The following ECPAS variants were observed in gnomAD, a reference collection of about 807,000 sequenced individuals.
ECPAS encodes the protein proteasome adapter and scaffold protein ECM29.
Under a neutral mutation model 255.1 loss-of-function variants are expected in ECPAS, and 70 were observed. That is an observed-to-expected ratio of 0.27 (90% confidence interval 0.23 to 0.33). The LOEUF (loss-of-function observed/expected upper bound fraction) is 0.33, where lower values mean the gene tolerates loss of function less well. Among genes scored for constraint, ECPAS ranks in the 10% least tolerant of loss-of-function variants. The probability of loss-of-function intolerance (pLI) is 1.00; values close to 1 mark genes in which losing one functional copy is unlikely to be tolerated. For synonymous variants in ECPAS, 784 were observed against 775.0 expected (o/e 1.01, Z -0.19); for missense variants, 1,817 against 2,206.4 (o/e 0.82, Z 3.54).
rs190171617 is a variant in ECPAS, at chr9:111,450,602, G to A, written c.153+823C>T. Among the ~76,000 whole-genome samples, 290 of 152,264 alleles carry A rather than the reference G, an allele frequency of 1.9e-3. 1 individual carries two copies. Among genetic ancestry groups the A allele is most frequent in the African/African-American group, 6.8e-3 (283 of 41,544 alleles). ...ATGAAATATTCTACAAATCAAGGGG[G>A]AAATGTTCCATGTAGAACAGTTTCG... On this transcript the variant is annotated intron_variant, in intron 3 of 49. Transcript: ENST00000684092.
chr9:111,372,617 G>C lies in ECPAS; in HGVS notation c.4340C>G (p.Pro1447Arg). Residue 1447 changes from proline to arginine, a missense_variant, in exon 42 of 50, where the codon CCT becomes CGT. Physicochemically the swap from Pro to Arg is moderately radical, Grantham distance 103 (BLOSUM62 -2). Around this residue, in one of 4 missense-constraint regions of ECPAS, gnomAD observed 960 missense variants for 1,179.0 expected, o/e 0.81. Transcript: ENST00000684092. ...LNGWYMEKEE[P>R]IYKTSCALTI... ...CAAAGCACAAGAGGTCTTGTAGATA[G>C]GTTCTGAAAAGGAGAAACCAAAATC... is the stretch of plus-strand genomic sequence containing the variant. 6.2e-7 allele frequency: 1 copy of C among 1,601,424 alleles called. No homozygotes were observed. Among genetic ancestry groups the C allele is most frequent in the South Asian group, 1.1e-5 (1 of 88,930 alleles).
chr9:111,420,244 G>C, intron 15 of ECPAS, 124 bp from the exon 16 acceptor site: 1 of 611,070 alleles, frequency 1.6e-6, no homozygotes, highest in South Asian at 2.0e-5. Context: ...AAATTCTAAG[G>C]TGACATTTTA....
intron 2 of ECPAS, among the ~76,000 whole-genome samples, chr9:111,460,027 G>A (rs1425955105): frequency 6.6e-6 from 1 of 151,964 alleles, no homozygotes; most frequent in Non-Finnish European, 1.5e-5. Flanking sequence ...GAATATAGAC[G>A]CAAATGAGAT....
chr9:111,399,680 C>T (rs1325749767), intron 24 of ECPAS, among the ~76,000 whole-genome samples: 1 of 152,214 alleles, frequency 6.6e-6, no homozygotes, highest in Admixed American at 6.5e-5. Context: ...ATACAGAAGA[C>T]TTTGTCTCGC....
At chr9:111,362,228 A>AC (rs2098114416) in intron 49 of ECPAS, 59 bp from the exon 50 acceptor site, 8 of 1,412,692 alleles carry the variant, frequency 5.7e-6, no homozygotes, top group Admixed American at 2.7e-5. Context: ...AAAAGAAAAA[A>AC]CCCCAAAGAA....
chr9:111,480,139 G>A (rs1441979559), intron 1 of ECPAS, among the ~76,000 whole-genome samples: 2 of 151,860 alleles, frequency 1.3e-5, no homozygotes, highest in African/African-American at 4.8e-5. Flanking sequence ...TTTTCTGTGT[G>A]TTTGAAGATT....
chr9:111,456,051 A>T (rs1212971665), intron 2 of ECPAS, among the ~76,000 whole-genome samples: 1 of 152,156 alleles, frequency 6.6e-6, no homozygotes, highest in Non-Finnish European at 1.5e-5. Context: ...TTCTGCATTC[A>T]AGTCTTTGAT....
chr9:111,373,902 C>T, intron 39 of ECPAS, 70 bp downstream of exon 39: 1 of 1,224,832 alleles, frequency 8.2e-7, no homozygotes, highest in Non-Finnish European at 1.2e-6. Flanking sequence ...AGTATTTTTC[C>T]TTTTTAAAAC....
At chr9:111,400,943 C>A (rs992271129) in intron 24 of ECPAS, among the ~76,000 whole-genome samples, 1 of 152,032 alleles carries the variant, frequency 6.6e-6, no homozygotes, top group Non-Finnish European at 1.5e-5. Context: ...AAATTCAATC[C>A]AATTAAGATT....
At position 111,468,542 on chromosome 9, in the gene ECPAS, G is replaced by A. The variant is rs151181898; in HGVS notation, c.22+4355C>T. On this transcript the variant is annotated intron_variant, in intron 2 of 49. Coordinates refer to ENST00000684092, the MANE Select transcript of ECPAS (RefSeq NM_001364929.1). ...AACAGAAAAAGATGAAGAGGAAGGG[G>A]TGAACCAGTAAAAGGGCAGAAAATC... Among the ~76,000 whole-genome samples, 611 of 152,128 alleles carry A rather than the reference G, an allele frequency of 4.0e-3. 5 individuals are homozygous for A. Among genetic ancestry groups the A allele is most frequent in the African/African-American group, 0.014 (586 of 41,516 alleles).
At chr9:111,439,908 G>A (rs1364442391) in intron 6 of ECPAS, among the ~76,000 whole-genome samples, 1 of 151,980 alleles carries the variant, frequency 6.6e-6, no homozygotes, top group African/African-American at 2.4e-5. Flanking sequence ...GCAAGGAGAA[G>A]GAAGGAGGCA....
chr9:111,365,376 A>ACATT (rs1211201610), intron 48 of ECPAS, among the ~76,000 whole-genome samples: 4 of 151,866 alleles, frequency 2.6e-5, no homozygotes, highest in Non-Finnish European at 5.9e-5. Flanking sequence ...CCTATAAAGA[A>ACATT]CATTACTGGC....
At chr9:111,371,528 T>A (rs1331002698) in intron 43 of ECPAS, 93 bp downstream of exon 43, 2 of 1,150,858 alleles carry the variant, frequency 1.7e-6, no homozygotes, top group African/African-American at 1.5e-5. Context: ...AAATAATCCA[T>A]TGGAAAAGTT....
intron 47 of ECPAS, 92 bp from the exon 48 acceptor site, chr9:111,366,419 T>G: frequency 8.0e-7 from 1 of 1,255,318 alleles, no homozygotes; most frequent in Non-Finnish European, 1.1e-6. Flanking sequence ...TGTATCACTG[T>G]CACTTTAGCT....
rs774453820 is a variant in ECPAS at position 111,410,120 on chromosome 9, C to T, written c.2471G>A (p.Ser824Asn). ...CAATTTGGTAAAGCCAGATCCCTCA[C>T]TGGGGATTGGAAGTGGACCATTTCT... is the stretch of plus-strand genomic sequence containing the variant. ...IGRNGPLPIP[S>N]EGSGFTKLHL... Residue 824 changes from serine to asparagine, a missense_variant, in exon 23 of 50, where the codon AGT (serine) becomes AAT (asparagine). By Grantham distance (46) the Ser-to-Asn change is conservative. Around this residue, in one of 4 missense-constraint regions of ECPAS, gnomAD observed 194 missense variants for 152.8 expected, o/e 1.27. Coordinates refer to ENST00000684092, the MANE Select transcript of ECPAS (RefSeq NM_001364929.1). The T allele has an allele frequency of 4.3e-6, 7 of 1,609,446 alleles. No individual in the cohort carries two copies. The highest frequency in any genetic ancestry group is 5.9e-6 in the Non-Finnish European group (7 of 1,177,958).
intron 5 of ECPAS, 48 bp downstream of exon 5, chr9:111,442,258 G>A: frequency 8.2e-7 from 1 of 1,221,184 alleles, no homozygotes; most frequent in South Asian, 1.3e-5. Flanking sequence ...TTGAAAGGCA[G>A]TTGTTGACTC....
In ECPAS at chr9:111,433,730, T is replaced by C. The variant is rs1275940993; in HGVS notation, c.709-358A>G. On this transcript the variant is annotated intron_variant, in intron 7 of 49. Coordinates refer to ENST00000684092, the MANE Select transcript of ECPAS (RefSeq NM_001364929.1). ...CTCCCTAGTGAGGTTACACAGCCTC[T>C]CTAGAGTGATGAAGTCTTGAAGTCC... 2.0e-5 allele frequency among the ~76,000 whole-genome samples: 3 copies of C among 152,152 alleles called. No individual in the cohort carries two copies. In the East Asian group the frequency reaches 5.8e-4, roughly 29 times the overall value.
chr9:111,455,313 T>C (rs1248133480), intron 2 of ECPAS, among the ~76,000 whole-genome samples: 1 of 151,998 alleles, frequency 6.6e-6, no homozygotes, highest in African/African-American at 2.4e-5. Context: ...TGAAACCCCA[T>C]CTCTACTAAA....
intron 11 of ECPAS, 54 bp downstream of exon 11, chr9:111,425,689 C>G (rs1040542688): frequency 5.4e-6 from 6 of 1,113,456 alleles, no homozygotes; most frequent in Admixed American, 3.8e-5. Context: ...ACTTGAAGCA[C>G]TCAATCATTC....
Sources: gnomAD v4.1 joint callset for allele counts (sites outside exome capture counted in the v4.1 genomes callset) on GRCh38, gnomAD v4.1.1 for gene constraint, gnomAD v4.1.1 regional missense constraint, MANE v1.5 for transcripts, NCBI Gene and HGNC (gene_info 2026-07-23, HGNC 2026-07-21) for gene names.